RIMS1: variants seen among roughly 807,000 people sequenced by gnomAD.
RIMS1 encodes the protein regulating synaptic membrane exocytosis 1.
RIMS1 carries 83 observed loss-of-function variants against 214.1 expected under a neutral mutation model. The ratio of observed to expected loss-of-function variants is 0.39; its 90% confidence interval spans 0.32 to 0.47. RIMS1 has a LOEUF of 0.47. RIMS1 is among the 20% of genes least tolerant of loss of function. RIMS1 has a pLI of 0.99. For synonymous variants in RIMS1, 793 were observed against 786.8 expected (o/e 1.01, Z -0.13); for missense variants, 2,050 against 2,161.8 (o/e 0.95, Z 1.03).
At chr6:72,052,180 T>A (rs763811274) in intron 2 of RIMS1, among the ~76,000 whole-genome samples, 2 of 152,222 alleles carry the variant, frequency 1.3e-5, no homozygotes, top group Non-Finnish European at 2.9e-5. Context: ...TCCAACAAGA[T>A]GAGTGTGTAG....
intron 29 of RIMS1, among the ~76,000 whole-genome samples, chr6:72,376,617 C>A (rs2098387629): frequency 6.6e-6 from 1 of 151,974 alleles, no homozygotes; most frequent in South Asian, 2.1e-4. Flanking sequence ...CGTAGTGTTG[C>A]ATGCCTGTAG....
intron 29 of RIMS1, among the ~76,000 whole-genome samples, chr6:72,342,538 CA>C (rs1306129995): frequency 6.6e-6 from 1 of 151,648 alleles, no homozygotes; most frequent in Non-Finnish European, 1.5e-5. Context: ...TCAAATGTAG[CA>C]GTCCTTTTTT....
rs139945378 is a variant in RIMS1, at chr6:72,366,372, G to A, written c.4367-24226G>A. On this transcript the variant is annotated intron_variant, in intron 29 of 33. Transcript: ENST00000521978. Reference sequence around the variant, plus strand: ...TAAACAAACTTATCCTGGAAATCACGTATTAGCCCTGAGCTTTACTTCTCT... The same window carrying A: ...TAAACAAACTTATCCTGGAAATCACATATTAGCCCTGAGCTTTACTTCTCT... Among the ~76,000 whole-genome samples the A allele has an allele frequency of 8.0e-3, 1,224 of 152,260 alleles. 10 individuals are homozygous for A. The highest frequency in any genetic ancestry group is 0.026 in the African/African-American group (1,100 of 41,554).
chr6:72,300,062 A>T (rs1336315282), intron 26 of RIMS1, among the ~76,000 whole-genome samples: 1 of 151,844 alleles, frequency 6.6e-6, no homozygotes, highest in Non-Finnish European at 1.5e-5. Context: ...CTCCATTAGG[A>T]AAAGTAATTT....
intron 27 of RIMS1, among the ~76,000 whole-genome samples, chr6:72,308,031 A>T (rs1241546475): frequency 6.6e-6 from 1 of 152,150 alleles, no homozygotes; most frequent in Non-Finnish European, 1.5e-5. Flanking sequence ...ATATTAAGGT[A>T]TATATTTATA....
chr6:72,190,407 G>A (rs576092187), intron 6 of RIMS1, among the ~76,000 whole-genome samples: 3 of 150,406 alleles, frequency 2.0e-5, no homozygotes, highest in South Asian at 2.1e-4. Context: ...AGGTTGCCGT[G>A]AGCTGAGATC....
At chr6:72,083,984 T>G (rs1327033038) in intron 2 of RIMS1, among the ~76,000 whole-genome samples, 1 of 152,178 alleles carries the variant, frequency 6.6e-6, no homozygotes, top group Non-Finnish European at 1.5e-5. Context: ...CTCTTTATAG[T>G]AACATAACAA....
At chr6:72,257,859 G>T (rs182956857) in intron 16 of RIMS1, among the ~76,000 whole-genome samples, 1 of 152,082 alleles carries the variant, frequency 6.6e-6, no homozygotes, top group Non-Finnish European at 1.5e-5. Flanking sequence ...CCAACTCATC[G>T]TAATGTCTGA....
intron 1 of RIMS1, among the ~76,000 whole-genome samples, chr6:71,902,032 G>A (rs1013475825): frequency 9.9e-5 from 15 of 152,230 alleles, no homozygotes; most frequent in African/African-American, 3.4e-4. Flanking sequence ...GATAGCTAGA[G>A]GAGAATGAGG....
chr6:72,351,444 A>G (rs1012767517), intron 29 of RIMS1, among the ~76,000 whole-genome samples: 1 of 152,312 alleles, frequency 6.6e-6, no homozygotes, highest in East Asian at 1.9e-4. Flanking sequence ...AGCCCATATT[A>G]TGTAAACTGG....
At chr6:72,259,459 A>C (rs2077096989) in intron 18 of RIMS1, among the ~76,000 whole-genome samples, 1 of 152,168 alleles carries the variant, frequency 6.6e-6, no homozygotes, top group Admixed American at 6.6e-5. Flanking sequence ...TATTTGAGGT[A>C]TGAAGTAATC....
At chr6:72,013,397 A>G (rs1811552664) in intron 2 of RIMS1, among the ~76,000 whole-genome samples, 1 of 152,212 alleles carries the variant, frequency 6.6e-6, no homozygotes, top group South Asian at 2.1e-4. Flanking sequence ...TGTCCAGTGT[A>G]TATATTAACT....
In RIMS1 at chr6:72,182,728, C is replaced by T. The variant is rs2048544596; in HGVS notation, c.1257C>T (p.Ala419=). The T allele has an allele frequency of 2.6e-6, 4 of 1,534,130 alleles. No individual in the cohort carries two copies. The highest frequency in any genetic ancestry group is 1.4e-5 in the African/African-American group (1 of 71,436). ...AACGCGCGCCGGCGGCAGCCAGGGCCTCGCCGCCGGACTCGCCGCGGGCTT... is the reference window on the plus strand; with the variant it reads ...AACGCGCGCCGGCGGCAGCCAGGGCTTCGCCGCCGGACTCGCCGCGGGCTT... The part of the protein sequence containing the change: ...AGKRAPAAAR[A]SPPDSPRAYS... The change falls in exon 6 of 34, where the codon GCC becomes GCT. Residue 419 remains alanine (A), a synonymous_variant. Coordinates refer to ENST00000521978, the MANE Select transcript of RIMS1 (RefSeq NM_014989.7).
intron 2 of RIMS1, among the ~76,000 whole-genome samples, chr6:72,000,752 T>C (rs1174150318): frequency 6.6e-6 from 1 of 152,176 alleles, no homozygotes; most frequent in Non-Finnish European, 1.5e-5. Context: ...GTCATCAGAC[T>C]TCCTCAGCTT....
intron 2 of RIMS1, among the ~76,000 whole-genome samples, chr6:72,048,707 G>A (rs926140471): frequency 1.3e-5 from 2 of 152,130 alleles, no homozygotes; most frequent in Non-Finnish European, 2.9e-5. Flanking sequence ...TCCTATCAAA[G>A]TTATTTTCTT....
chr6:72,166,569 T>C (rs1424137808), intron 4 of RIMS1, among the ~76,000 whole-genome samples: 1 of 152,172 alleles, frequency 6.6e-6, no homozygotes, highest in Non-Finnish European at 1.5e-5. Flanking sequence ...ACAAATAAAC[T>C]GTATTTTTAA....
chr6:72,165,164 C>T (rs186762662), intron 4 of RIMS1, among the ~76,000 whole-genome samples: 1 of 152,148 alleles, frequency 6.6e-6, no homozygotes, highest in Non-Finnish European at 1.5e-5. Context: ...ATTTTATTCT[C>T]CCTACTTAAG....
At chr6:72,260,092 A>G (rs1017059557) in intron 18 of RIMS1, among the ~76,000 whole-genome samples, 1 of 152,120 alleles carries the variant, frequency 6.6e-6, no homozygotes, top group Non-Finnish European at 1.5e-5. Context: ...GGGCTATTTT[A>G]TCAACATTCA....
chr6:72,112,644 C>A (rs1394967101), intron 4 of RIMS1, among the ~76,000 whole-genome samples: 2 of 152,154 alleles, frequency 1.3e-5, no homozygotes. Context: ...CCACTCCTCA[C>A]TCCCAAACTC....
Sources: gnomAD v4.1 joint callset for allele counts (sites outside exome capture counted in the v4.1 genomes callset) on GRCh38, gnomAD v4.1.1 for gene constraint, MANE v1.5 for transcripts, NCBI Gene and HGNC (gene_info 2026-07-23, HGNC 2026-07-21) for gene names.